The following SAMMSON variants were observed in gnomAD, a reference collection of about 807,000 sequenced individuals.
SAMMSON encodes the protein long intergenic non-protein coding RNA 1212.
At chr3:70,016,899 A>T (rs1009954276) in intron 3 of SAMMSON, among the ~76,000 whole-genome samples, 2 of 152,086 alleles carry the variant, frequency 1.3e-5, no homozygotes, top group African/African-American at 2.4e-5. Context: ...ATGGTTGTAG[A>T]TATGCGGCAT....
At chr3:70,284,098 A>G (rs1702116702) in intron 6 of SAMMSON, among the ~76,000 whole-genome samples, 1 of 152,112 alleles carries the variant, frequency 6.6e-6, no homozygotes, top group Non-Finnish European at 1.5e-5. Flanking sequence ...GGTTTTCATG[A>G]GTGCAACTCT....
chr3:70,265,664 G>T (rs1331134523), intron 6 of SAMMSON, among the ~76,000 whole-genome samples: 1 of 152,194 alleles, frequency 6.6e-6, no homozygotes, highest in Non-Finnish European at 1.5e-5. Flanking sequence ...CTTACCAAAT[G>T]TATTAGTCCA....
rs1366298189 is a variant in SAMMSON, at chr3:70,287,991, G to T, written n.675-3188G>T. Among the ~76,000 whole-genome samples the T allele has an allele frequency of 2.0e-5, 3 of 151,682 alleles. No individual in the cohort carries two copies. In the South Asian group the frequency reaches 6.3e-4, roughly 32 times the overall value. On this transcript the variant is annotated intron_variant and non_coding_transcript_variant, in intron 6 of 9. Transcript: ENST00000642114. ...TTGCTAGCAGTCTATCTCTTTTGTT[G>T]ATCCTTTCAAAAAACCAGCTCCTGG... is the stretch of plus-strand genomic sequence containing the variant.
chr3:70,171,968 G>T (rs1700961027), intron 4 of SAMMSON, among the ~76,000 whole-genome samples: 1 of 152,028 alleles, frequency 6.6e-6, no homozygotes, highest in Admixed American at 6.6e-5. Flanking sequence ...GCTGGTAAGT[G>T]ATTTGAAAAG....
At chr3:70,223,808 G>A (rs2106738746) in intron 4 of SAMMSON, among the ~76,000 whole-genome samples, 1 of 152,168 alleles carries the variant, frequency 6.6e-6, no homozygotes. Flanking sequence ...TTCTTTTAAT[G>A]GTTTTTCTCA....
At chr3:70,388,780 T>A (rs1364448728) in intron 9 of SAMMSON, among the ~76,000 whole-genome samples, 1 of 152,156 alleles carries the variant, frequency 6.6e-6, no homozygotes, top group African/African-American at 2.4e-5. Flanking sequence ...GAGATATCAG[T>A]GCTAATATCT....
intron 4 of SAMMSON, among the ~76,000 whole-genome samples, chr3:70,109,036 T>C (rs1159969312): frequency 6.6e-6 from 1 of 152,100 alleles, no homozygotes; most frequent in Non-Finnish European, 1.5e-5. Context: ...GTTGGCCCCA[T>C]TGATGATGCG....
chr3:70,011,099 T>C (rs1341880149), intron 1 of SAMMSON, among the ~76,000 whole-genome samples: 6 of 152,158 alleles, frequency 3.9e-5, no homozygotes, highest in Non-Finnish European at 8.8e-5. Context: ...ACTCAAGGGT[T>C]CTTCACCTTT....
chr3:70,375,708 C>T (rs747667472), intron 9 of SAMMSON, among the ~76,000 whole-genome samples: 1 of 152,120 alleles, frequency 6.6e-6, no homozygotes, highest in Admixed American at 6.5e-5. Flanking sequence ...TGTTTCTATT[C>T]CAGTCCTGTC....
intron 4 of SAMMSON, among the ~76,000 whole-genome samples, chr3:70,098,003 A>T (rs927571691): frequency 1.3e-5 from 2 of 152,244 alleles, no homozygotes; most frequent in Non-Finnish European, 2.9e-5. Flanking sequence ...GAAAGGTTAA[A>T]TTAGCTTTTT....
intron 4 of SAMMSON, among the ~76,000 whole-genome samples, chr3:70,213,177 T>C (rs770655126): frequency 3.9e-4 from 60 of 151,934 alleles, no homozygotes; most frequent in Non-Finnish European, 6.9e-4. Flanking sequence ...TCTTGATATG[T>C]TCCCAGGCTG....
intron 6 of SAMMSON, among the ~76,000 whole-genome samples, chr3:70,269,057 T>C (rs1309913031): frequency 6.6e-6 from 1 of 152,048 alleles, no homozygotes; most frequent in Non-Finnish European, 1.5e-5. Flanking sequence ...TATTGTCCCT[T>C]TATCAACCTG....
At chr3:70,059,567 A>G (rs1368786270) in intron 3 of SAMMSON, among the ~76,000 whole-genome samples, 3 of 152,136 alleles carry the variant, frequency 2.0e-5, no homozygotes, top group Admixed American at 6.6e-5. Flanking sequence ...GAAGATAAAT[A>G]TAGTGGCTTG....
chr3:70,375,065 A>G (rs941054151), intron 9 of SAMMSON, among the ~76,000 whole-genome samples: 3 of 152,170 alleles, frequency 2.0e-5, no homozygotes, highest in African/African-American at 7.2e-5. Context: ...TGTAAAGTCC[A>G]GAGTTTTTAG....
Position 70,086,801 on chromosome 3 carries a change from C to G in SAMMSON, n.507+15236C>G, listed in dbSNP as rs530870461. Among the ~76,000 whole-genome samples the G allele has an allele frequency of 2.0e-5, 3 of 152,266 alleles. 1 individual carries two copies. In the South Asian group the frequency reaches 6.2e-4, roughly 32 times the overall value. On this transcript the variant is annotated intron_variant and non_coding_transcript_variant, in intron 4 of 9. Transcript: ENST00000642114. The stretch of plus-strand genomic sequence containing the variant: ...TAGTTCCAACAGCAGAGTTAACATG[C>G]GTTGAGCATTTTTCCCTTGCAATGT...
intron 4 of SAMMSON, among the ~76,000 whole-genome samples, chr3:70,167,639 A>G (rs543672259): frequency 2.0e-4 from 31 of 151,940 alleles, no homozygotes; most frequent in African/African-American, 6.3e-4. Flanking sequence ...GGAGATCTTT[A>G]TCTCCTGGAA....
At chr3:70,355,822 G>C (rs1418227197) in intron 8 of SAMMSON, among the ~76,000 whole-genome samples, 1 of 152,144 alleles carries the variant, frequency 6.6e-6, no homozygotes, top group Non-Finnish European at 1.5e-5. Flanking sequence ...ACATTGCTGT[G>C]AAATTCCAAA....
chr3:70,117,068 A>G (rs2067415210), intron 4 of SAMMSON, among the ~76,000 whole-genome samples: 1 of 152,226 alleles, frequency 6.6e-6, no homozygotes, highest in African/African-American at 2.4e-5. Flanking sequence ...AAAGATGCTA[A>G]TATGATGAAC....
chr3:70,359,550 T>C (rs1269443924), intron 9 of SAMMSON, among the ~76,000 whole-genome samples: 1 of 152,184 alleles, frequency 6.6e-6, no homozygotes, highest in Non-Finnish European at 1.5e-5. Context: ...GAAAGAGCGC[T>C]TAAATGTTTG....
Sources: gnomAD v4.1 joint callset for allele counts (sites outside exome capture counted in the v4.1 genomes callset) on GRCh38, gnomAD v4.1.1 for gene constraint, MANE v1.5 for transcripts, NCBI Gene and HGNC (gene_info 2026-07-23, HGNC 2026-07-21) for gene names.